Variants in NRP2 observed in about 807,000 individuals in gnomAD.
NRP2 encodes neuropilin 2.
A neutral mutation model predicts 110.4 loss-of-function variants in NRP2; 52 were observed. The observed-to-expected ratio is 0.47, with a 90% CI of 0.38 to 0.59. The LOEUF (loss-of-function observed/expected upper bound fraction) is 0.59. Among genes scored for constraint, NRP2 ranks in the 20% least tolerant of loss-of-function variants. The pLI is 0.00. For missense variants in NRP2, 1,049 were observed against 1,203.0 expected, an observed-to-expected ratio of 0.87 and a Z score of 1.89; for synonymous variants, 508 against 468.9, an observed-to-expected ratio of 1.08 and a Z score of -1.08.
chr2:205,705,624 G>C (rs1474740013), intron 2 of NRP2, among the ~76,000 whole-genome samples: 2 of 152,096 alleles, frequency 1.3e-5, no homozygotes, highest in Non-Finnish European at 2.9e-5. Context: ...TTGAACTCTT[G>C]CCAGACATCA....
At chr2:205,775,076 C>A (rs1221693884) in intron 15 of NRP2, among the ~76,000 whole-genome samples, 1 of 152,186 alleles carries the variant, frequency 6.6e-6, no homozygotes, top group Non-Finnish European at 1.5e-5. Flanking sequence ...CCTGCTGGGG[C>A]ACCCCATGAG....
chr2:205,703,927 A>C (rs1179099158), intron 2 of NRP2, among the ~76,000 whole-genome samples: 1 of 152,128 alleles, frequency 6.6e-6, no homozygotes, highest in Non-Finnish European at 1.5e-5. Flanking sequence ...GAGCAATACT[A>C]TTTAATTGTA....
intron 1 of NRP2, among the ~76,000 whole-genome samples, chr2:205,684,397 T>C (rs2056094860): frequency 6.6e-6 from 1 of 152,048 alleles, no homozygotes; most frequent in South Asian, 2.1e-4. Context: ...AGGAAATGGG[T>C]GAAAGAAAGG....
Position 205,722,745 on chromosome 2 carries a change from C to T in NRP2, c.664+37C>T. The T allele has an allele frequency of 3.2e-6, 5 of 1,557,852 alleles. No individual in the cohort carries two copies. The South Asian group carries it at 5.6e-5, about 17-fold the overall frequency. On this transcript the variant is annotated intron_variant, in intron 4 of 16. Transcript: ENST00000357785. ...CATGAGGCATTCCTCAGTAGCTTGG[C>T]CTTTGCCTGTTAATTGCTTTAGTGA...
intron 12 of NRP2, among the ~76,000 whole-genome samples, chr2:205,755,598 C>A (rs1438369376): frequency 7.3e-6 from 1 of 136,314 alleles, no homozygotes; most frequent in Non-Finnish European, 1.6e-5. Flanking sequence ...GTCCTTACTT[C>A]TTCTCCATAG....
intron 2 of NRP2, among the ~76,000 whole-genome samples, chr2:205,698,079 C>T (rs1171803108): frequency 1.3e-5 from 2 of 152,108 alleles, no homozygotes; most frequent in Non-Finnish European, 2.9e-5. Context: ...TCCACAGCTG[C>T]TACATGTATA....
chr2:205,703,178 C>T (rs2056598686), intron 2 of NRP2, among the ~76,000 whole-genome samples: 1 of 152,196 alleles, frequency 6.6e-6, no homozygotes, highest in Non-Finnish European at 1.5e-5. Context: ...GGAAGGCAGA[C>T]AGATCTGTGT....
At chr2:205,771,006 G>T (rs2058014499) in intron 15 of NRP2, among the ~76,000 whole-genome samples, 1 of 152,168 alleles carries the variant, frequency 6.6e-6, no homozygotes, top group East Asian at 1.9e-4. Flanking sequence ...GCTTATCTAT[G>T]GGTGGAAGAA....
rs1480456062 is a variant in NRP2, at chr2:205,725,947, T to C, written c.855T>C (p.Ser285=). 3.1e-6 allele frequency: 5 copies of C among 1,614,072 alleles called. No individual in the cohort carries two copies. In the African/African-American group the frequency reaches 6.7e-5, roughly 22 times the overall value. ...GCAATGTTCCTCTGGGCATGGAGTC[T>C]GGCCGGATTGCTAATGAACAGATCA... is the stretch of plus-strand genomic sequence containing the variant. The part of the protein sequence containing the change: ...FQCNVPLGME[S]GRIANEQISA... Residue 285 remains serine (S), a synonymous_variant, in exon 6 of 17, where the codon TCT becomes TCC. Transcript: ENST00000357785. The surrounding 1 kb of genome is among the most constrained non-coding windows in gnomAD (Gnocchi z 4.1).
chr2:205,746,751 TCACGGG>T (rs1474566407), intron 10 of NRP2, among the ~76,000 whole-genome samples: 1 of 152,166 alleles, frequency 6.6e-6, no homozygotes, highest in South Asian at 2.1e-4. Context: ...GCCGTACCTG[TCACGGG>T]CTCAGCCGGC....
chr2:205,745,216 C>T (rs997427748), intron 9 of NRP2, among the ~76,000 whole-genome samples: 6 of 152,168 alleles, frequency 3.9e-5, no homozygotes, highest in Admixed American at 1.3e-4. Flanking sequence ...CTAAGACTAT[C>T]GATGTGTGAC....
At chr2:205,699,442 G>A (rs2056506363) in intron 2 of NRP2, among the ~76,000 whole-genome samples, 1 of 152,200 alleles carries the variant, frequency 6.6e-6, no homozygotes, top group Non-Finnish European at 1.5e-5. Context: ...GCTTATGACA[G>A]CAAATCTCCC....
At chr2:205,765,635 A>G in intron 14 of NRP2, 65 bp downstream of exon 14, 2 of 1,376,654 alleles carry the variant, frequency 1.5e-6, no homozygotes, top group Non-Finnish European at 2.1e-6. Context: ...GATAAGCAAG[A>G]GGAGGCAGGA....
intron 15 of NRP2, among the ~76,000 whole-genome samples, chr2:205,782,977 G>A (rs575366044): frequency 1.9e-4 from 29 of 152,110 alleles, no homozygotes; most frequent in South Asian, 6.2e-4. Context: ...TTTCATTTTA[G>A]TAGGTGCTAT....
At chr2:205,690,477 T>C (rs2056287085) in intron 1 of NRP2, among the ~76,000 whole-genome samples, 1 of 152,020 alleles carries the variant, frequency 6.6e-6, no homozygotes, top group Non-Finnish European at 1.5e-5. Flanking sequence ...GGCTCATGCC[T>C]GTAATCCCAG....
intron 1 of NRP2, among the ~76,000 whole-genome samples, chr2:205,694,191 A>AAAAGAGCAAGACAGAAAGAGTTTAAAAC (rs2056374613): frequency 6.6e-6 from 1 of 152,242 alleles, no homozygotes; most frequent in Non-Finnish European, 1.5e-5. Context: ...AAGAAGGAGA[A>AAAAGAGCAAGACAGAAAGAGTTTAAAAC]AAAGAGCAAG....
chr2:205,794,635 T>A (rs1013876800), intron 16 of NRP2, 119 bp from the exon 17 acceptor site: 2 of 1,069,442 alleles, frequency 1.9e-6, no homozygotes, highest in Admixed American at 3.4e-5. Flanking sequence ...GGCAGTCTAA[T>A]TCCAGAGCTG....
rs60081325 is a variant in NRP2 at position 205,767,145 on chromosome 2, C to CAA, written c.2425+356_2425+357dup. The CAA allele has an allele frequency of 8.3e-3, 2,168 of 260,678 alleles. 6 individuals are homozygous for CAA. Among genetic ancestry groups the CAA allele is most frequent in the African/African-American group, 0.014 (537 of 37,784 alleles). 16.1% of individuals were successfully genotyped at this position (260,678 alleles called of 1,614,324 possible). ...AGGAGAGACTGTGGGAAGACTGAAC[C>CAA]AAAAAAAAAAAAAAATCAGTATAAA... On this transcript the variant is annotated intron_variant, in intron 15 of 16. Transcript: ENST00000357785.
chr2:205,776,324 T>A, intron 15 of NRP2: 1 of 1,613,170 alleles, frequency 6.2e-7, no homozygotes. Context: ...TGGTATTACG[T>A]AATGGCCGCC....
Sources: gnomAD v4.1 joint callset for allele counts (sites outside exome capture counted in the v4.1 genomes callset) on GRCh38, gnomAD v4.1.1 for gene constraint, Gnocchi (gnomAD v3.1) non-coding constraint, MANE v1.5 for transcripts, NCBI Gene and HGNC (gene_info 2026-07-23, HGNC 2026-07-21) for gene names.